SLIT3: variants seen among roughly 807,000 people sequenced by gnomAD.
The protein encoded by SLIT3 is slit guidance ligand 3.
Under a neutral mutation model 184.0 loss-of-function variants are expected in SLIT3, and 68 were observed. The ratio of observed to expected loss-of-function variants is 0.37; its 90% confidence interval spans 0.30 to 0.45. The LOEUF is 0.45. Among genes scored for constraint, SLIT3 ranks in the 20% least tolerant of loss-of-function variants. SLIT3 has a pLI of 1.00. For synonymous variants in SLIT3, 831 were observed against 828.6 expected, an observed-to-expected ratio of 1.00 and a Z score of -0.05; for missense variants, 1,707 against 2,026.0, an observed-to-expected ratio of 0.84 and a Z score of 3.02.
intron 4 of SLIT3, among the ~76,000 whole-genome samples, chr5:169,039,183 A>C (rs1232818405): frequency 6.6e-6 from 1 of 152,180 alleles, no homozygotes; most frequent in Non-Finnish European, 1.5e-5. Context: ...GCAGCACACC[A>C]AGATAACCAC....
At chr5:169,054,394 T>A (rs947843544) in intron 4 of SLIT3, among the ~76,000 whole-genome samples, 12 of 152,142 alleles carry the variant, frequency 7.9e-5, no homozygotes, top group Non-Finnish European at 1.3e-4. Context: ...ATTTTGGACT[T>A]CTATCCTGCA....
chr5:168,722,439 T>A, intron 22 of SLIT3, 112 bp from the exon 23 acceptor site: 3 of 901,966 alleles, frequency 3.3e-6, no homozygotes, highest in Non-Finnish European at 5.3e-6. Flanking sequence ...AATGTTGATA[T>A]ATTGACAGAA....
chr5:168,817,864 A>G (rs1485013538), intron 7 of SLIT3, among the ~76,000 whole-genome samples: 2 of 152,244 alleles, frequency 1.3e-5, no homozygotes, highest in South Asian at 2.1e-4. Flanking sequence ...TGCTTGAAAC[A>G]TGCTTCTCAA....
At position 168,932,258 on chromosome 5, in the gene SLIT3, G is replaced by GT. The variant is rs373049439; in HGVS notation, c.414-48923dup. On this transcript the variant is annotated intron_variant, in intron 4 of 35. Transcript: ENST00000519560. The stretch of plus-strand genomic sequence containing the variant: ...GACACAGTTTTTTTGTTGTTGTTGT[G>GT]TTTTTTTTTTTTTTTTGGTACAAGG... Among the ~76,000 whole-genome samples, 797 of 103,562 alleles carry GT rather than the reference G, an allele frequency of 7.7e-3. 24 individuals carry two copies. Among genetic ancestry groups the GT allele is most frequent in the African/African-American group, 0.015 (405 of 27,220 alleles). The allele number at this position is 103,562 out of a possible 152,430, so 67.9% of individuals were successfully genotyped here. A position where few individuals can be genotyped will look rare whatever the true frequency, so the allele number is the denominator to read the frequency against.
At chr5:168,958,452 A>G (rs1305970635) in intron 4 of SLIT3, among the ~76,000 whole-genome samples, 1 of 152,178 alleles carries the variant, frequency 6.6e-6, no homozygotes, top group Non-Finnish European at 1.5e-5. Context: ...CTTAATCCTC[A>G]CAGAAACCTG....
intron 20 of SLIT3, among the ~76,000 whole-genome samples, chr5:168,744,175 G>A (rs1405579434): frequency 6.6e-6 from 1 of 152,190 alleles, no homozygotes; most frequent in Admixed American, 6.5e-5. Flanking sequence ...TGTAGTCCCA[G>A]CTAAGGGGGA....
chr5:168,728,676 T>G (rs190302275), intron 20 of SLIT3, among the ~76,000 whole-genome samples: 1 of 152,170 alleles, frequency 6.6e-6, no homozygotes, highest in East Asian at 1.9e-4. Context: ...ATTCTAGCAG[T>G]CTGGGAGGCC....
intron 4 of SLIT3, among the ~76,000 whole-genome samples, chr5:169,053,365 G>C (rs1046320306): frequency 3.3e-5 from 5 of 152,172 alleles, no homozygotes; most frequent in African/African-American, 1.2e-4. Context: ...TCTAAACTTG[G>C]AGGAAGCTAA....
chr5:168,795,614 C>G, intron 9 of SLIT3, 36 bp from the exon 10 acceptor site: 1 of 1,554,448 alleles, frequency 6.4e-7, no homozygotes, highest in Non-Finnish European at 8.9e-7. Context: ...AATTAACCAT[C>G]CACCTGTCAA....
chr5:168,985,896 G>A (rs1043789496), intron 4 of SLIT3, among the ~76,000 whole-genome samples: 1 of 152,026 alleles, frequency 6.6e-6, no homozygotes, highest in African/African-American at 2.4e-5. Context: ...TTGAACCCCT[G>A]GTTAAATCAT....
chr5:168,947,320 G>A (rs1329066625), intron 4 of SLIT3, among the ~76,000 whole-genome samples: 2 of 152,202 alleles, frequency 1.3e-5, no homozygotes, highest in Admixed American at 6.5e-5. Flanking sequence ...GCCTGTGGGT[G>A]TCATCTCTGC....
intron 21 of SLIT3, among the ~76,000 whole-genome samples, chr5:168,724,050 A>G (rs1763030655): frequency 6.6e-6 from 1 of 152,228 alleles, no homozygotes; most frequent in Admixed American, 6.5e-5. Context: ...GTTGTTAAAC[A>G]TCCTATAATG....
intron 4 of SLIT3, among the ~76,000 whole-genome samples, chr5:169,009,841 AT>A (rs1475307635): frequency 2.6e-4 from 40 of 152,350 alleles, no homozygotes; most frequent in African/African-American, 9.4e-4. Context: ...GATGAACATA[AT>A]TTTAATGATG....
chr5:168,738,310 A>G (rs1763501990), intron 20 of SLIT3, among the ~76,000 whole-genome samples: 1 of 152,122 alleles, frequency 6.6e-6, no homozygotes, highest in African/African-American at 2.4e-5. Context: ...TGGTCACTGT[A>G]TTCTTCACCT....
At chr5:168,960,288 A>C (rs1303996416) in intron 4 of SLIT3, among the ~76,000 whole-genome samples, 2 of 152,214 alleles carry the variant, frequency 1.3e-5, no homozygotes, top group East Asian at 3.9e-4. Context: ...TAGAATCCAG[A>C]AGGCAGAAGT....
chr5:168,872,637 C>T (rs1333093869), intron 5 of SLIT3, among the ~76,000 whole-genome samples: 6 of 111,176 alleles, frequency 5.4e-5, no homozygotes, highest in East Asian at 2.6e-4. Flanking sequence ...TCTTCTTCTT[C>T]TTCTTTTTTT....
intron 4 of SLIT3, among the ~76,000 whole-genome samples, chr5:169,019,763 C>T (rs1341488223): frequency 6.6e-6 from 1 of 152,226 alleles, no homozygotes; most frequent in Non-Finnish European, 1.5e-5. Context: ...CTATAGCTAT[C>T]ACTCTTTTCC....
chr5:168,998,982 T>C (rs912514238), intron 4 of SLIT3, among the ~76,000 whole-genome samples: 1 of 151,822 alleles, frequency 6.6e-6, no homozygotes, highest in African/African-American at 2.4e-5. Context: ...GGAGTGATCA[T>C]GGTTCACTGC....
intron 3 of SLIT3, among the ~76,000 whole-genome samples, chr5:169,243,799 T>A (rs947918838): frequency 1.3e-5 from 2 of 152,194 alleles, no homozygotes; most frequent in Admixed American, 6.5e-5. Flanking sequence ...TGCAGCTTCA[T>A]CCCTCTGACT....
Sources: allele counts gnomAD v4.1 joint callset (sites outside exome capture counted in the v4.1 genomes callset), GRCh38; gene constraint gnomAD v4.1.1; transcripts MANE v1.5; gene names NCBI Gene and HGNC (gene_info 2026-07-23, HGNC 2026-07-21).